The following ATRN variants were observed in gnomAD, a reference collection of about 807,000 sequenced individuals.
The protein encoded by ATRN is attractin.
In ATRN, 54 loss-of-function variants were observed where a neutral mutation model predicts 178.7. The observed-to-expected ratio is 0.30, with a 90% CI of 0.24 to 0.38. The LOEUF (loss-of-function observed/expected upper bound fraction) is 0.38. Ranked by LOEUF, ATRN falls within the 10% of genes least tolerant of loss-of-function variation. ATRN has a pLI of 1.00. For missense variants in ATRN, 1,443 were observed against 1,815.1 expected (o/e 0.79, Z 3.73); for synonymous variants, 636 against 663.0 (o/e 0.96, Z 0.63).
rs2087137292 is a variant in ATRN at position 3,650,349 on chromosome 20, T to C, written c.*3502T>C. ...GCTAAACACTAACTTAAGCTAATGC[T>C]AGGGTAGTGACTGAGATGTAAAAAT... is the stretch of plus-strand genomic sequence containing the variant. On this transcript the variant is annotated 3_prime_UTR_variant, in exon 29 of 29. Transcript: ENST00000262919. 6.5e-6 allele frequency: 1 copy of C among 152,680 alleles called. No individual in the cohort carries two copies. The highest frequency in any genetic ancestry group is 1.5e-5 in the Non-Finnish European group (1 of 68,056). 9.5% of individuals were successfully genotyped at this position (152,680 alleles called of 1,614,324 possible). A position where few individuals can be genotyped will look rare whatever the true frequency, so the allele number is the denominator to read the frequency against.
At chr20:3,519,809 C>T (rs73608168) in intron 1 of ATRN, among the ~76,000 whole-genome samples, 2 of 152,162 alleles carry the variant, frequency 1.3e-5, no homozygotes, top group East Asian at 3.9e-4. Context: ...AGACAGGTAT[C>T]ACATTTCAAA....
chr20:3,500,946 G>C (rs2084955422), intron 1 of ATRN, among the ~76,000 whole-genome samples: 1 of 151,820 alleles, frequency 6.6e-6, no homozygotes, highest in South Asian at 2.1e-4. Flanking sequence ...TTTACATTTA[G>C]TTATATATAA....
chr20:3,632,401 C>G lies in ATRN; in HGVS notation c.3864-1910C>G, dbSNP rs370708747. On this transcript the variant is annotated intron_variant, in intron 25 of 28. Transcript: ENST00000262919. This position sits in a 1 kb window ranked among gnomAD's most constrained non-coding sequence, Gnocchi z 4.2. ...CACATGATCTGCCCTTCACCCTCAC[C>G]CTTCTCTCTGCCTTTGTCTCTGGCC... Among the ~76,000 whole-genome samples, 1 of 152,238 alleles carries G rather than the reference C, an allele frequency of 6.6e-6. No individual in the cohort carries two copies.
chr20:3,591,407 G>C, intron 19 of ATRN, 101 bp downstream of exon 19: 1 of 1,372,906 alleles, frequency 7.3e-7, no homozygotes, highest in Non-Finnish European at 1.0e-6. Flanking sequence ...CTTTGTTTTG[G>C]ATACCACATT....
At chr20:3,551,344 G>C (rs2085783846) in intron 6 of ATRN, among the ~76,000 whole-genome samples, 1 of 152,168 alleles carries the variant, frequency 6.6e-6, no homozygotes, top group Admixed American at 6.5e-5. Flanking sequence ...AGGTACATGA[G>C]TCTGACCCTG....
rs765175971 is a variant in ATRN at position 3,597,959 on chromosome 20, C to G, written c.3523C>G (p.Arg1175Gly). ...FTFSLSQEDD[R>G]YYTAINFVAT... ...CTTTAGTCTATCCCAGGAAGATGATCGCTATTACACAGCTATCAATTTTGT... is the reference window on the plus strand; with the variant it reads ...CTTTAGTCTATCCCAGGAAGATGATGGCTATTACACAGCTATCAATTTTGT... The change falls in exon 22 of 29, where the codon CGC becomes GGC. Residue 1175 changes from arginine to glycine, a missense_variant. Physicochemically the swap from Arg to Gly is moderately radical, Grantham distance 125 (BLOSUM62 -2). Around this residue, in one of 4 missense-constraint regions of ATRN, gnomAD observed 289 missense variants for 440.8 expected, o/e 0.66. Coordinates refer to ENST00000262919, the MANE Select transcript of ATRN (RefSeq NM_139321.3). The G allele has an allele frequency of 6.2e-7, 1 of 1,612,106 alleles. No homozygotes were observed. Among genetic ancestry groups the G allele is most frequent in the Non-Finnish European group, 8.5e-7 (1 of 1,178,392 alleles).
intron 10 of ATRN, among the ~76,000 whole-genome samples, chr20:3,564,651 T>C (rs1422058972): frequency 6.6e-6 from 1 of 152,244 alleles, no homozygotes; most frequent in Non-Finnish European, 1.5e-5. Context: ...ATTTTCCACC[T>C]TTATTTTTCC....
At chr20:3,542,949 T>G (rs2085646786) in intron 3 of ATRN, among the ~76,000 whole-genome samples, 1 of 152,100 alleles carries the variant, frequency 6.6e-6, no homozygotes, top group Non-Finnish European at 1.5e-5. Flanking sequence ...GAAGATTGCT[T>G]TTGACATACC....
At position 3,512,848 on chromosome 20, in the gene ATRN, C is replaced by T. The variant is rs533109948; in HGVS notation, c.411-22405C>T. ...CATGGTGGTTTTGATTTGCATTTCT[C>T]TGATGGCCAGTGATGATGAGCATTT... On this transcript the variant is annotated intron_variant, in intron 1 of 28. Coordinates refer to ENST00000262919, the MANE Select transcript of ATRN (RefSeq NM_139321.3). 2.0e-5 allele frequency among the ~76,000 whole-genome samples: 3 copies of T among 152,336 alleles called. No individual in the cohort carries two copies. The South Asian group carries it at 6.2e-4, about 32-fold the overall frequency.
chr20:3,637,068 C>T (rs553955986), intron 26 of ATRN, among the ~76,000 whole-genome samples: 2 of 152,242 alleles, frequency 1.3e-5, no homozygotes, highest in African/African-American at 4.8e-5. Context: ...AAGTAAGATG[C>T]ACAGCCTACA....
chr20:3,582,819 G>C (rs993856013), intron 16 of ATRN, among the ~76,000 whole-genome samples: 1 of 152,208 alleles, frequency 6.6e-6, no homozygotes, highest in South Asian at 2.1e-4. Context: ...TTCTGTAAGC[G>C]AGGACAGAAG....
At chr20:3,600,808 A>G (rs376669670) in intron 22 of ATRN, 138 bp from the exon 23 acceptor site, 6 of 805,732 alleles carry the variant, frequency 7.4e-6, no homozygotes, top group African/African-American at 5.3e-5. Flanking sequence ...AAATTTTGCT[A>G]ACTCTTCTGT....
rs1384977208 is a variant in ATRN, at chr20:3,578,721, G to A, written c.2493G>A (p.Lys831=). 2 of 1,614,056 alleles carry A rather than the reference G, an allele frequency of 1.2e-6. No homozygotes were observed. The highest frequency in any genetic ancestry group is 2.2e-5 in the East Asian group (1 of 44,874). ...TGGCTTCTCTTACAACCCAGAAGAA[G>A]GTAGAATTTGTCCTTAAGCAGCTGC... The part of the protein sequence containing the change: ...ALLASLTTQK[K]VEFVLKQLRI... Residue 831 remains lysine, a synonymous_variant, in exon 15 of 29, where the codon AAG becomes AAA. Transcript: ENST00000262919.
intron 24 of ATRN, chr20:3,615,713 G>A (rs1011688541): frequency 2.3e-6 from 1 of 436,950 alleles, no homozygotes; most frequent in Non-Finnish European, 4.6e-6. Flanking sequence ...ACTTCACCAC[G>A]CCCAGCTAAT....
chr20:3,616,774 G>A (rs1473448555), intron 24 of ATRN, among the ~76,000 whole-genome samples: 1 of 152,104 alleles, frequency 6.6e-6, no homozygotes, highest in Non-Finnish European at 1.5e-5. Context: ...CCTAAGTCCT[G>A]GGAGGACTTA....
At chr20:3,574,092 G>T (rs2086170118) in intron 12 of ATRN, among the ~76,000 whole-genome samples, 1 of 152,222 alleles carries the variant, frequency 6.6e-6, no homozygotes, top group Admixed American at 6.5e-5. Flanking sequence ...TTTAAAGTAT[G>T]TTGGCTGAAT....
intron 1 of ATRN, among the ~76,000 whole-genome samples, chr20:3,500,272 A>G (rs1473065935): frequency 4.6e-5 from 7 of 152,296 alleles, no homozygotes; most frequent in Middle Eastern, 3.4e-3. Flanking sequence ...GGAAGTCAGT[A>G]TGGTGATTCC....
At chr20:3,602,311 C>T (rs2086620728) in intron 23 of ATRN, among the ~76,000 whole-genome samples, 2 of 150,252 alleles carry the variant, frequency 1.3e-5, no homozygotes, top group South Asian at 2.1e-4. Flanking sequence ...GCTTGGGTGA[C>T]AGAGTGAAAC....
intron 1 of ATRN, chr20:3,490,121 C>G: frequency 1.4e-6 from 2 of 1,477,812 alleles, no homozygotes; most frequent in Non-Finnish European, 1.9e-6. Context: ...TTTTGGCAAA[C>G]AAAGAGTTAT....
Sources: allele counts gnomAD v4.1 joint callset (sites outside exome capture counted in the v4.1 genomes callset), GRCh38; gene constraint gnomAD v4.1.1; regional missense constraint gnomAD v4.1.1; non-coding constraint Gnocchi (gnomAD v3.1); transcripts MANE v1.5; gene names NCBI Gene and HGNC (gene_info 2026-07-23, HGNC 2026-07-21).